Variants in PXDNL observed in about 807,000 individuals in gnomAD.
PXDNL encodes probable oxidoreductase PXDNL.
A neutral mutation model predicts 150.8 loss-of-function variants in PXDNL; 145 were observed. The observed-to-expected ratio is 0.96, with a 90% CI of 0.84 to 1.10. PXDNL has a LOEUF of 1.10. Among genes scored for constraint, PXDNL ranks in the 50% least tolerant of loss-of-function variants. The pLI, the probability that PXDNL is intolerant of heterozygous loss-of-function variation, is 0.00. For missense variants in PXDNL, 2,087 were observed against 1,873.9 expected (o/e 1.11, Z -2.10); for synonymous variants, 757 against 725.7 (o/e 1.04, Z -0.69).
rs563003973 is a variant in PXDNL, at chr8:51,409,875, C to T, written c.2063-314G>A. 1.2e-4 allele frequency among the ~76,000 whole-genome samples: 19 copies of T among 152,178 alleles called. 1 individual carries two copies. Among genetic ancestry groups the T allele is most frequent in the African/African-American group, 4.3e-4 (18 of 41,538 alleles). ...CACTAAAAGATGTTTCCAGAAGACC[C>T]GGGATTACTTTTGTGCTGTTCATCC... On this transcript the variant is annotated intron_variant, in intron 16 of 22. Transcript: ENST00000356297.
At chr8:51,684,575 A>G (rs543328346) in intron 1 of PXDNL, among the ~76,000 whole-genome samples, 301 of 152,328 alleles carry the variant, frequency 2.0e-3, no homozygotes, top group African/African-American at 7.0e-3. Flanking sequence ...TACATGCAAA[A>G]GGAATTTTGG....
chr8:51,567,283 A>G (rs1461692176), intron 3 of PXDNL, among the ~76,000 whole-genome samples: 1 of 151,770 alleles, frequency 6.6e-6, no homozygotes, highest in African/African-American at 2.4e-5. Context: ...ACAAATTTCA[A>G]TTAGACCCAG....
intron 12 of PXDNL, among the ~76,000 whole-genome samples, chr8:51,439,296 A>G (rs552985788): frequency 2.0e-5 from 3 of 152,330 alleles, no homozygotes; most frequent in East Asian, 3.9e-4. Context: ...AAGAAGATAT[A>G]CAAAGGGCCA....
At chr8:51,740,843 G>A in intron 1 of PXDNL, among the ~76,000 whole-genome samples, 1 of 152,134 alleles carries the variant, frequency 6.6e-6, no homozygotes, top group East Asian at 1.9e-4. Context: ...TTTTTAACGT[G>A]CTGCTGGATT....
chr8:51,705,862 C>T (rs1047672246), intron 1 of PXDNL, among the ~76,000 whole-genome samples: 1 of 151,404 alleles, frequency 6.6e-6, no homozygotes, highest in Non-Finnish European at 1.5e-5. Flanking sequence ...CGTGCATGCA[C>T]ATGTGTGCAG....
chr8:51,430,973 T>C (rs1464168210), intron 12 of PXDNL, among the ~76,000 whole-genome samples: 4 of 152,150 alleles, frequency 2.6e-5, no homozygotes, highest in Non-Finnish European at 4.4e-5. Context: ...TCTCTTGGAA[T>C]ACCCTTCTCC....
chr8:51,412,529 T>C (rs555366407), intron 15 of PXDNL, among the ~76,000 whole-genome samples: 1 of 152,318 alleles, frequency 6.6e-6, no homozygotes, highest in South Asian at 2.1e-4. Context: ...ATTCTATTTA[T>C]GGATGTGCAG....
At chr8:51,433,209 A>T (rs1036764396) in intron 12 of PXDNL, among the ~76,000 whole-genome samples, 1 of 144,154 alleles carries the variant, frequency 6.9e-6, no homozygotes, top group African/African-American at 2.5e-5. Flanking sequence ...ACTCTATCTC[A>T]AATAATAATA....
At chr8:51,487,636 T>C (rs1810794999) in intron 5 of PXDNL, among the ~76,000 whole-genome samples, 1 of 152,168 alleles carries the variant, frequency 6.6e-6, no homozygotes, top group Non-Finnish European at 1.5e-5. Flanking sequence ...CTCCACTAAA[T>C]GTGCTTGGAT....
chr8:51,739,949 A>G (rs1350471683), intron 1 of PXDNL, among the ~76,000 whole-genome samples: 1 of 152,158 alleles, frequency 6.6e-6, no homozygotes, highest in African/African-American at 2.4e-5. Context: ...TGAAACACAA[A>G]ACCATTTACA....
intron 8 of PXDNL, among the ~76,000 whole-genome samples, chr8:51,465,751 A>G (rs1810191898): frequency 6.6e-6 from 1 of 152,220 alleles, no homozygotes. Flanking sequence ...CTGTACACCA[A>G]TAATGTTCAA....
At chr8:51,645,660 AT>A (rs1814902617) in intron 2 of PXDNL, among the ~76,000 whole-genome samples, 1 of 152,184 alleles carries the variant, frequency 6.6e-6, no homozygotes, top group East Asian at 1.9e-4. Context: ...AGAGATTAGA[AT>A]GACTTTAATA....
intron 12 of PXDNL, among the ~76,000 whole-genome samples, chr8:51,438,584 G>T (rs181418132): frequency 5.4e-4 from 82 of 152,150 alleles, no homozygotes; most frequent in Non-Finnish European, 1.0e-3. Flanking sequence ...GCATGGTGGC[G>T]GGTGCCTATA....
intron 2 of PXDNL, among the ~76,000 whole-genome samples, chr8:51,642,051 T>C (rs989532767): frequency 1.3e-5 from 2 of 152,080 alleles, no homozygotes; most frequent in African/African-American, 4.8e-5. Flanking sequence ...TTCATGTCCT[T>C]TGTAGGGACA....
intron 12 of PXDNL, among the ~76,000 whole-genome samples, chr8:51,438,529 C>G (rs1809462201): frequency 6.6e-6 from 1 of 152,168 alleles, no homozygotes; most frequent in African/African-American, 2.4e-5. Context: ...TCCTGGCTAA[C>G]ATGGTGAAAC....
chr8:51,569,770 T>C (rs1812894491), intron 3 of PXDNL, among the ~76,000 whole-genome samples: 1 of 151,930 alleles, frequency 6.6e-6, no homozygotes, highest in Admixed American at 6.6e-5. Context: ...ATCAAATTAG[T>C]ACTCCAGCAA....
At chr8:51,514,804 T>C (rs1427874526) in intron 4 of PXDNL, among the ~76,000 whole-genome samples, 2 of 152,056 alleles carry the variant, frequency 1.3e-5, no homozygotes, top group Non-Finnish European at 1.5e-5. Flanking sequence ...TGGGAGAAAG[T>C]TGCATCCCCA....
chr8:51,621,061 A>G (rs1814241824), intron 2 of PXDNL, among the ~76,000 whole-genome samples: 1 of 152,220 alleles, frequency 6.6e-6, no homozygotes, highest in Non-Finnish European at 1.5e-5. Context: ...ACTATGAAAT[A>G]AAGATGAACT....
chr8:51,387,975 T>TA (rs1346404199), intron 17 of PXDNL, among the ~76,000 whole-genome samples: 1 of 152,166 alleles, frequency 6.6e-6, no homozygotes, highest in African/African-American at 2.4e-5. Context: ...TTATTCCCTG[T>TA]AAAAAATGAC....
Sources: gnomAD v4.1 joint callset for allele counts (sites outside exome capture counted in the v4.1 genomes callset) on GRCh38, gnomAD v4.1.1 for gene constraint, MANE v1.5 for transcripts, NCBI Gene and HGNC (gene_info 2026-07-23, HGNC 2026-07-21) for gene names.